Variants in CYFIP2 observed in about 807,000 individuals in gnomAD.
The protein encoded by CYFIP2 is cytoplasmic FMR1 interacting protein 2.
A neutral mutation model predicts 158.7 loss-of-function variants in CYFIP2; 29 were observed. The observed-to-expected ratio is 0.18, with a 90% CI of 0.14 to 0.25. The LOEUF (loss-of-function observed/expected upper bound fraction) is 0.25, where lower values mean the gene tolerates loss of function less well. Among genes scored for constraint, CYFIP2 ranks in the 10% least tolerant of loss-of-function variants. The probability of loss-of-function intolerance (pLI) is 1.00; values close to 1 mark genes in which losing one functional copy is unlikely to be tolerated. For synonymous variants in CYFIP2, 585 were observed against 617.6 expected, an observed-to-expected ratio of 0.95 and a Z score of 0.78; for missense variants, 852 against 1,639.5, an observed-to-expected ratio of 0.52 and a Z score of 8.29.
chr5:157,356,116 TG>T (rs1163743464), intron 23 of CYFIP2, among the ~76,000 whole-genome samples: 2 of 152,210 alleles, frequency 1.3e-5, no homozygotes, highest in African/African-American at 4.8e-5. Flanking sequence ...CTGAGTGACT[TG>T]AATAACAAAC....
rs569050044 is a variant in CYFIP2 at position 157,284,287 on chromosome 5, C to T, written c.-23-1052C>T. 2.6e-5 allele frequency among the ~76,000 whole-genome samples: 4 copies of T among 152,218 alleles called. No individual in the cohort carries two copies. In the East Asian group the frequency reaches 7.7e-4, roughly 29 times the overall value. On this transcript the variant is annotated intron_variant, in intron 1 of 30. Transcript: ENST00000620254. ...GTTGAAGACATGTATTAGTGCTTTC[C>T]ATCTTTCATTTCTAAAGATCTTATC... is the stretch of plus-strand genomic sequence containing the variant.
At chr5:157,294,928 A>G in intron 4 of CYFIP2, 68 bp downstream of exon 4, 2 of 1,310,994 alleles carry the variant, frequency 1.5e-6, no homozygotes, top group South Asian at 2.6e-5. Context: ...CTTCATCCCC[A>G]AACCAGAGAG....
chr5:157,389,560 G>A (rs1197608033), intron 29 of CYFIP2, 133 bp downstream of exon 29: 4 of 766,108 alleles, frequency 5.2e-6, no homozygotes, highest in East Asian at 5.5e-5. Flanking sequence ...TTTGTTGAGT[G>A]TGTTGAGCTG....
intron 26 of CYFIP2, among the ~76,000 whole-genome samples, chr5:157,366,621 G>T (rs558960373): frequency 6.6e-6 from 1 of 152,314 alleles, no homozygotes; most frequent in South Asian, 2.1e-4. Flanking sequence ...GCAATCTGTA[G>T]TGGTAGTGCT....
At position 157,311,265 on chromosome 5, in the gene CYFIP2, C is replaced by T. The variant is rs1232617450; in HGVS notation, c.993-399C>T. The T allele has an allele frequency of 1.9e-5, 7 of 374,034 alleles. No homozygotes were observed. Among genetic ancestry groups the T allele is most frequent in the East Asian group, 7.1e-5 (1 of 14,006 alleles). 23.2% of individuals were successfully genotyped at this position (374,034 alleles called of 1,614,324 possible). A position where few individuals can be genotyped will look rare whatever the true frequency, so the allele number is the denominator to read the frequency against. On this transcript the variant is annotated intron_variant, in intron 10 of 30. Coordinates refer to ENST00000620254, the MANE Select transcript of CYFIP2 (RefSeq NM_001037333.3). The surrounding 1 kb of genome is among the most constrained non-coding windows in gnomAD (Gnocchi z 4.7). ...AAGGCCCCCCAAAGCCAGCTTCAACCGCAGAGTGTCTGTGCTGTCAGAGTG... is the reference window on the plus strand; with the variant it reads ...AAGGCCCCCCAAAGCCAGCTTCAACTGCAGAGTGTCTGTGCTGTCAGAGTG...
intron 1 of CYFIP2, among the ~76,000 whole-genome samples, chr5:157,281,588 C>T (rs1756992663): frequency 6.6e-6 from 1 of 152,126 alleles, no homozygotes; most frequent in Admixed American, 6.5e-5. Context: ...GCACATCACT[C>T]GATTTTAAAA....
chr5:157,296,819 C>G, intron 5 of CYFIP2, 45 bp downstream of exon 5: 1 of 1,489,644 alleles, frequency 6.7e-7, no homozygotes, highest in East Asian at 2.3e-5. Flanking sequence ...CTGAAAAGGC[C>G]CCTAGTTTTC....
chr5:157,315,501 A>C (rs976368157), intron 13 of CYFIP2, among the ~76,000 whole-genome samples: 2 of 152,342 alleles, frequency 1.3e-5, no homozygotes, highest in Middle Eastern at 6.8e-3. Flanking sequence ...TGCAGGTTAA[A>C]GTGCAGGAAA....
intron 9 of CYFIP2, among the ~76,000 whole-genome samples, chr5:157,308,911 T>C (rs1165977901): frequency 6.6e-6 from 1 of 152,052 alleles, no homozygotes; most frequent in Non-Finnish European, 1.5e-5. Context: ...CTGGATGACG[T>C]TGGGAAAGTC....
chr5:157,369,872 G>A (rs1050743803), intron 26 of CYFIP2, among the ~76,000 whole-genome samples: 2 of 119,430 alleles, frequency 1.7e-5, no homozygotes, highest in South Asian at 5.5e-4. Flanking sequence ...CCTTGAGAAT[G>A]GACCTAGTTT....
chr5:157,318,126 T>G (rs935667854), intron 13 of CYFIP2, among the ~76,000 whole-genome samples: 2 of 152,264 alleles, frequency 1.3e-5, no homozygotes, highest in African/African-American at 4.8e-5. Flanking sequence ...TCACAAGTCT[T>G]CAGTCAAATA....
At chr5:157,296,485 T>G (rs1004941782) in intron 4 of CYFIP2, 188 bp from the exon 5 acceptor site, 2 of 595,436 alleles carry the variant, frequency 3.4e-6, no homozygotes, top group African/African-American at 3.7e-5. Flanking sequence ...TCCCACCTAC[T>G]TGGCAGGCTG....
intron 3 of CYFIP2, among the ~76,000 whole-genome samples, chr5:157,287,508 A>G (rs895813092): frequency 6.6e-6 from 1 of 152,230 alleles, no homozygotes; most frequent in Non-Finnish European, 1.5e-5. Context: ...TTGGAATAAC[A>G]GTTACTCAAA....
chr5:157,336,760 A>G (rs1761885380), intron 21 of CYFIP2, among the ~76,000 whole-genome samples: 1 of 152,134 alleles, frequency 6.6e-6, no homozygotes, highest in Non-Finnish European at 1.5e-5. Context: ...TCATCCTCTT[A>G]GGAGACCCCT....
At chr5:157,386,689 G>A (rs1168075991) in intron 28 of CYFIP2, among the ~76,000 whole-genome samples, 1 of 152,204 alleles carries the variant, frequency 6.6e-6, no homozygotes, top group Non-Finnish European at 1.5e-5. Context: ...GGAGGCCAAG[G>A]TGGGTGGATC....
intron 26 of CYFIP2, chr5:157,376,122 C>G (rs1765453542): frequency 6.6e-6 from 1 of 152,008 alleles, no homozygotes; most frequent in African/African-American, 2.4e-5. Context: ...CCCCTCCTCT[C>G]AGGCCCATCT....
Position 157,314,530 on chromosome 5 carries a change from C to G in CYFIP2, c.1230+67C>G, listed in dbSNP as rs147656386. ...TCCTTGGAATCTGCCTCCATCTCCCCCTAGCACTCTCTTTTTAACAGATTT... is the reference window on the plus strand; with the variant it reads ...TCCTTGGAATCTGCCTCCATCTCCCGCTAGCACTCTCTTTTTAACAGATTT... On this transcript the variant is annotated intron_variant, in intron 12 of 30. Coordinates refer to ENST00000620254, the MANE Select transcript of CYFIP2 (RefSeq NM_001037333.3). 3,544 of 1,554,776 alleles carry G rather than the reference C, an allele frequency of 2.3e-3. 20 individuals are homozygous for G. Among genetic ancestry groups the G allele is most frequent in the South Asian group, 5.1e-3 (425 of 82,712 alleles).
intron 21 of CYFIP2, among the ~76,000 whole-genome samples, chr5:157,334,008 T>C (rs1334712503): frequency 2.0e-5 from 3 of 152,226 alleles, no homozygotes; most frequent in Non-Finnish European, 4.4e-5. Flanking sequence ...CTTCAAGAAT[T>C]AGAGTAAACT....
At chr5:157,312,172 G>A (rs1047681818) in intron 11 of CYFIP2, among the ~76,000 whole-genome samples, 2 of 151,902 alleles carry the variant, frequency 1.3e-5, no homozygotes, top group Non-Finnish European at 2.9e-5. Flanking sequence ...CAGAACACTC[G>A]TACTCATAAC....
Sources: gnomAD v4.1 joint callset for allele counts (sites outside exome capture counted in the v4.1 genomes callset) on GRCh38, gnomAD v4.1.1 for gene constraint, Gnocchi (gnomAD v3.1) non-coding constraint, MANE v1.5 for transcripts, NCBI Gene and HGNC (gene_info 2026-07-23, HGNC 2026-07-21) for gene names.